NRXN1: variants seen among roughly 807,000 people sequenced by gnomAD.
The protein encoded by NRXN1 is neurexin 1.
Under a neutral mutation model 150.9 loss-of-function variants are expected in NRXN1, and 39 were observed. That is an observed-to-expected ratio of 0.26 (90% confidence interval 0.20 to 0.34). NRXN1 has a LOEUF of 0.34. Ranked by LOEUF, NRXN1 falls within the 10% of genes least tolerant of loss-of-function variation. The pLI, the probability that NRXN1 is intolerant of heterozygous loss-of-function variation, is 1.00. For missense variants in NRXN1, 1,815 were observed against 1,949.9 expected (o/e 0.93, Z 1.30); for synonymous variants, 924 against 757.0 (o/e 1.22, Z -3.62).
In NRXN1 at chr2:50,561,581, G is replaced by A. The variant is rs1256812077; in HGVS notation, c.1321-8556C>T. ...GTGTTAAAAAAGAAAAAAGAACAAG[G>A]AACAAACTCTGCCATAGGTCCAGGG... is the stretch of plus-strand genomic sequence containing the variant. On this transcript the variant is annotated intron_variant, in intron 8 of 22. Transcript: ENST00000401669. Among the ~76,000 whole-genome samples, 6 of 152,168 alleles carry A rather than the reference G, an allele frequency of 3.9e-5. No homozygotes were observed. The East Asian group carries it at 1.2e-3, about 29-fold the overall frequency.
intron 21 of NRXN1, among the ~76,000 whole-genome samples, chr2:49,986,244 G>C (rs1217176244): frequency 6.6e-6 from 1 of 152,086 alleles, no homozygotes; most frequent in East Asian, 1.9e-4. Flanking sequence ...TATTGTCACT[G>C]TTAAAAATAA....
intron 5 of NRXN1, among the ~76,000 whole-genome samples, chr2:50,699,096 A>G (rs1270729057): frequency 1.3e-5 from 2 of 152,194 alleles, no homozygotes; most frequent in African/African-American, 4.8e-5. Flanking sequence ...TGCAGCCTGT[A>G]TGTACCATGC....
At chr2:50,539,815 C>A (rs967239361) in intron 9 of NRXN1, among the ~76,000 whole-genome samples, 2 of 152,086 alleles carry the variant, frequency 1.3e-5, no homozygotes, top group South Asian at 2.1e-4. Flanking sequence ...GGAAGAGACA[C>A]AAGAGAGACC....
chr2:50,030,144 A>G (rs1688979274), intron 21 of NRXN1, among the ~76,000 whole-genome samples: 1 of 152,156 alleles, frequency 6.6e-6, no homozygotes. Context: ...TAGACTTAAT[A>G]TTTATCTCAG....
chr2:50,055,585 A>G (rs1347547089), intron 19 of NRXN1, among the ~76,000 whole-genome samples: 1 of 152,174 alleles, frequency 6.6e-6, no homozygotes, highest in Non-Finnish European at 1.5e-5. Context: ...TTAAGAAAAC[A>G]ACAAAGTCCA....
At chr2:50,453,556 T>C (rs947907682) in intron 17 of NRXN1, among the ~76,000 whole-genome samples, 2 of 152,226 alleles carry the variant, frequency 1.3e-5, no homozygotes, top group Non-Finnish European at 2.9e-5. Flanking sequence ...AGGTATATTC[T>C]ACTAAAATAT....
chr2:50,125,007 T>C (rs1050778559), intron 18 of NRXN1, among the ~76,000 whole-genome samples: 1 of 152,154 alleles, frequency 6.6e-6, no homozygotes, highest in Admixed American at 6.5e-5. Flanking sequence ...CAAACATAGA[T>C]ATGTATGTAA....
At chr2:50,498,405 T>A (rs954958291) in intron 13 of NRXN1, among the ~76,000 whole-genome samples, 2 of 152,192 alleles carry the variant, frequency 1.3e-5, no homozygotes, top group African/African-American at 4.8e-5. Context: ...AAGTTTTCTA[T>A]AACTAAATCA....
At chr2:50,550,807 G>C (rs1038793833) in intron 9 of NRXN1, among the ~76,000 whole-genome samples, 1 of 151,170 alleles carries the variant, frequency 6.6e-6, no homozygotes, top group African/African-American at 2.4e-5. Context: ...TCAGCCTCCC[G>C]AGTGGCTGGG....
At chr2:50,290,235 A>C (rs2072742239) in intron 17 of NRXN1, among the ~76,000 whole-genome samples, 1 of 152,206 alleles carries the variant, frequency 6.6e-6, no homozygotes, top group Non-Finnish European at 1.5e-5. Flanking sequence ...ATAAAAGAAA[A>C]GATTCATGTG....
intron 21 of NRXN1, among the ~76,000 whole-genome samples, chr2:50,028,160 T>C (rs1688652045): frequency 6.6e-6 from 1 of 152,168 alleles, no homozygotes; most frequent in Admixed American, 6.5e-5. Flanking sequence ...TGTAAGAAAA[T>C]ACTTACCAGT....
At chr2:50,331,604 T>C (rs185022507) in intron 17 of NRXN1, among the ~76,000 whole-genome samples, 11 of 152,294 alleles carry the variant, frequency 7.2e-5, no homozygotes, top group Non-Finnish European at 1.3e-4. Context: ...AGAAGAGCAA[T>C]AGATTTAACC....
chr2:50,373,701 AAGAAAGAAAGAG>A (rs2080270427), intron 17 of NRXN1, among the ~76,000 whole-genome samples: 1 of 137,916 alleles, frequency 7.3e-6, no homozygotes, highest in African/African-American at 2.6e-5. Context: ...GAAAGAAAGA[AAGAAAGAAAGAG>A]AAAGAAAGAC....
chr2:50,019,975 A>T (rs1687307094), intron 21 of NRXN1, among the ~76,000 whole-genome samples: 1 of 50,154 alleles, frequency 2.0e-5, no homozygotes, highest in Non-Finnish European at 4.2e-5. Context: ...AAAAAAAAAG[A>T]GAGAGAGAGA....
At chr2:50,072,312 G>T (rs985427830) in intron 19 of NRXN1, among the ~76,000 whole-genome samples, 1 of 152,092 alleles carries the variant, frequency 6.6e-6, no homozygotes, top group African/African-American at 2.4e-5. Context: ...AACAATAAAA[G>T]CAACTCTGCA....
At chr2:49,943,656 C>T in intron 22 of NRXN1, 48 bp downstream of exon 22, 1 of 1,302,452 alleles carries the variant, frequency 7.7e-7, no homozygotes, top group Non-Finnish European at 1.1e-6. Context: ...TAACATGCAA[C>T]AAAGATTTAC....
At chr2:50,489,444 G>C (rs1053064683) in intron 15 of NRXN1, among the ~76,000 whole-genome samples, 1 of 151,882 alleles carries the variant, frequency 6.6e-6, no homozygotes, top group African/African-American at 2.4e-5. Context: ...GTTGCTGCAG[G>C]TTGTCACTAG....
intron 5 of NRXN1, among the ~76,000 whole-genome samples, chr2:50,842,733 G>A (rs1673054845): frequency 6.6e-6 from 1 of 152,114 alleles, no homozygotes; most frequent in African/African-American, 2.4e-5. Context: ...ATGTTCATGG[G>A]ATGACTTTTC....
At chr2:50,691,021 T>C (rs977662841) in intron 5 of NRXN1, among the ~76,000 whole-genome samples, 2 of 152,198 alleles carry the variant, frequency 1.3e-5, no homozygotes, top group Non-Finnish European at 2.9e-5. Context: ...TGTAGTGACA[T>C]TTTTTTCTAA....
Sources: allele counts gnomAD v4.1 joint callset (sites outside exome capture counted in the v4.1 genomes callset), GRCh38; gene constraint gnomAD v4.1.1; transcripts MANE v1.5; gene names NCBI Gene and HGNC (gene_info 2026-07-23, HGNC 2026-07-21).